Variants in IMMP2L observed in about 807,000 individuals in gnomAD.
IMMP2L encodes the protein mitochondrial inner membrane protease subunit 2.
In IMMP2L, 18 loss-of-function variants were observed where a neutral mutation model predicts 19.3. The ratio of observed to expected loss-of-function variants is 0.93; its 90% CI spans 0.64 to 1.38. The LOEUF (loss-of-function observed/expected upper bound fraction) is 1.38. Ranked by LOEUF, IMMP2L falls within the 40% of genes most tolerant of loss-of-function variation. IMMP2L has a pLI of 0.00. For synonymous variants in IMMP2L, 76 were observed against 73.0 expected, an observed-to-expected ratio of 1.04 and a Z score of -0.21; for missense variants, 233 against 218.2, an observed-to-expected ratio of 1.07 and a Z score of -0.43.
chr7:111,255,458 T>A (rs1180599736), intron 3 of IMMP2L, among the ~76,000 whole-genome samples: 2 of 151,670 alleles, frequency 1.3e-5, no homozygotes, highest in Admixed American at 1.3e-4. Context: ...ATTATAGTAT[T>A]TTTTTTTACA....
chr7:111,506,667 T>G (rs1206661564), intron 2 of IMMP2L, among the ~76,000 whole-genome samples: 1 of 152,166 alleles, frequency 6.6e-6, no homozygotes, highest in Non-Finnish European at 1.5e-5. Context: ...AGTGCTGGGA[T>G]TACAGGCGTG....
intron 3 of IMMP2L, among the ~76,000 whole-genome samples, chr7:111,433,627 C>T (rs1363779712): frequency 6.6e-6 from 1 of 151,700 alleles, no homozygotes; most frequent in Non-Finnish European, 1.5e-5. Flanking sequence ...TGGGTGGGGA[C>T]ACAGAGCCAA....
At chr7:111,469,604 A>G (rs1322460350) in intron 3 of IMMP2L, among the ~76,000 whole-genome samples, 1 of 152,118 alleles carries the variant, frequency 6.6e-6, no homozygotes, top group African/African-American at 2.4e-5. Flanking sequence ...GACAAACCTG[A>G]CAAAAACAAG....
chr7:111,235,018 C>A (rs913865646), intron 3 of IMMP2L, among the ~76,000 whole-genome samples: 8 of 151,906 alleles, frequency 5.3e-5, no homozygotes, highest in Admixed American at 1.3e-4. Context: ...TTATATAGTC[C>A]AGGTTTCTAA....
intron 3 of IMMP2L, among the ~76,000 whole-genome samples, chr7:111,422,849 T>G (rs1017161787): frequency 7.9e-5 from 12 of 151,970 alleles, no homozygotes; most frequent in Admixed American, 3.9e-4. Flanking sequence ...ATATTGGCTG[T>G]GGGTTTGTCA....
At chr7:111,292,460 A>C (rs1374863759) in intron 3 of IMMP2L, among the ~76,000 whole-genome samples, 2 of 151,996 alleles carry the variant, frequency 1.3e-5, no homozygotes, top group Non-Finnish European at 2.9e-5. Flanking sequence ...AGTAGATGTA[A>C]ATGTACTCAG....
intron 1 of IMMP2L, among the ~76,000 whole-genome samples, chr7:111,543,615 TTTTA>T (rs1848667442): frequency 6.6e-6 from 1 of 152,180 alleles, no homozygotes; most frequent in Admixed American, 6.5e-5. Flanking sequence ...TAAAATTAAA[TTTTA>T]TTTGAGAGCA....
intron 4 of IMMP2L, among the ~76,000 whole-genome samples, chr7:110,897,930 A>T (rs1212039726): frequency 6.6e-6 from 1 of 152,078 alleles, no homozygotes; most frequent in Admixed American, 6.6e-5. Flanking sequence ...AAAGAAAATT[A>T]TATTGAAGAT....
intron 3 of IMMP2L, among the ~76,000 whole-genome samples, chr7:111,205,748 T>C (rs1445595746): frequency 1.3e-5 from 2 of 152,176 alleles, no homozygotes; most frequent in South Asian, 2.1e-4. Context: ...TCTCTCCCAG[T>C]TGCTGCTCTA....
At chr7:110,889,737 T>A (rs1810599027) in intron 4 of IMMP2L, among the ~76,000 whole-genome samples, 1 of 152,184 alleles carries the variant, frequency 6.6e-6, no homozygotes, top group South Asian at 2.1e-4. Context: ...AGCCAGCCTA[T>A]CTTGGCTTTT....
At chr7:110,837,048 T>C (rs960626763) in intron 5 of IMMP2L, among the ~76,000 whole-genome samples, 7 of 152,176 alleles carry the variant, frequency 4.6e-5, no homozygotes, top group Non-Finnish European at 1.0e-4. Context: ...AATACCTAAG[T>C]ATTTATGTAC....
intron 3 of IMMP2L, among the ~76,000 whole-genome samples, chr7:111,001,910 A>T (rs962887852): frequency 2.0e-5 from 3 of 152,150 alleles, no homozygotes; most frequent in Non-Finnish European, 4.4e-5. Flanking sequence ...ACAGCTAGGT[A>T]GTTAAAGGCT....
At chr7:111,541,100 A>G (rs569477025) in intron 1 of IMMP2L, among the ~76,000 whole-genome samples, 18 of 152,282 alleles carry the variant, frequency 1.2e-4, no homozygotes, top group African/African-American at 4.3e-4. Flanking sequence ...TGAATAGATG[A>G]CCTTAGCTCC....
chr7:110,740,053 C>T (rs1189690669), intron 5 of IMMP2L, among the ~76,000 whole-genome samples: 1 of 152,122 alleles, frequency 6.6e-6, no homozygotes. Context: ...CTCTGGGATA[C>T]AGCAAAAGCA....
chr7:111,182,719 T>C (rs1452092274), intron 3 of IMMP2L, among the ~76,000 whole-genome samples: 1 of 151,920 alleles, frequency 6.6e-6, no homozygotes, highest in Admixed American at 6.6e-5. Flanking sequence ...GAGTCATGAT[T>C]TCAAGAATGA....
At chr7:111,022,410 T>C (rs1826376135) in intron 3 of IMMP2L, among the ~76,000 whole-genome samples, 1 of 152,194 alleles carries the variant, frequency 6.6e-6, no homozygotes, top group Non-Finnish European at 1.5e-5. Context: ...ATGATTTTCC[T>C]ACAGACTCAG....
intron 3 of IMMP2L, among the ~76,000 whole-genome samples, chr7:111,471,712 C>T (rs1054389397): frequency 3.9e-5 from 6 of 151,956 alleles, no homozygotes; most frequent in Admixed American, 2.0e-4. Flanking sequence ...ATATGGCTCA[C>T]GTTATATTTC....
At chr7:111,394,678 T>G (rs866827323) in intron 3 of IMMP2L, among the ~76,000 whole-genome samples, 1 of 152,110 alleles carries the variant, frequency 6.6e-6, no homozygotes, top group South Asian at 2.1e-4. Flanking sequence ...CTCAAAGAAC[T>G]TTAAATATCC....
At chr7:111,451,071 A>T (rs905202803) in intron 3 of IMMP2L, among the ~76,000 whole-genome samples, 2 of 147,792 alleles carry the variant, frequency 1.4e-5, no homozygotes, top group Non-Finnish European at 3.0e-5. Context: ...CAGGTGCTGG[A>T]GAGGATGTGG....
Sources: allele counts gnomAD v4.1 joint callset (sites outside exome capture counted in the v4.1 genomes callset), GRCh38; gene constraint gnomAD v4.1.1; transcripts MANE v1.5; gene names NCBI Gene and HGNC (gene_info 2026-07-23, HGNC 2026-07-21).